TRABD2B: variants seen among roughly 807,000 people sequenced by gnomAD.
TRABD2B encodes the protein TraB domain containing 2B.
TRABD2B carries 14 observed loss-of-function variants against 40.1 expected under a neutral mutation model. That is an observed-to-expected ratio of 0.35 (90% CI 0.23 to 0.55). TRABD2B has a LOEUF of 0.55. TRABD2B is among the 20% of genes least tolerant of loss of function. The pLI, the probability that TRABD2B is intolerant of heterozygous loss-of-function variation, is 0.90. For synonymous variants in TRABD2B, 263 were observed against 277.0 expected (o/e 0.95, Z 0.50); for missense variants, 541 against 648.6 (o/e 0.83, Z 1.80).
intron 4 of TRABD2B, among the ~76,000 whole-genome samples, chr1:47,779,650 C>CG (rs1644494352): frequency 6.6e-6 from 1 of 152,004 alleles, no homozygotes; most frequent in South Asian, 2.1e-4. Flanking sequence ...CCCTCTGCCT[C>CG]GGGGGCCTCA....
chr1:47,773,887 C>A (rs1301336433), intron 6 of TRABD2B, among the ~76,000 whole-genome samples: 1 of 152,180 alleles, frequency 6.6e-6, no homozygotes, highest in Non-Finnish European at 1.5e-5. Context: ...ATAGTGTGTA[C>A]CCCACAGTTT....
At chr1:47,840,069 G>A (rs1645375490) in intron 2 of TRABD2B, among the ~76,000 whole-genome samples, 1 of 152,120 alleles carries the variant, frequency 6.6e-6, no homozygotes, top group Non-Finnish European at 1.5e-5. Flanking sequence ...GCAGCCCAGG[G>A]CCTAATGAGA....
chr1:47,932,833 G>C (rs1645057042), intron 2 of TRABD2B, among the ~76,000 whole-genome samples: 1 of 152,198 alleles, frequency 6.6e-6, no homozygotes, highest in African/African-American at 2.4e-5. Flanking sequence ...TCACAGGGCT[G>C]TCAGGAGGAT....
chr1:47,909,928 T>C (rs1272855053), intron 2 of TRABD2B, among the ~76,000 whole-genome samples: 1 of 151,724 alleles, frequency 6.6e-6, no homozygotes, highest in African/African-American at 2.4e-5. Flanking sequence ...GGCACAATCA[T>C]GGCTCACTGC....
intron 2 of TRABD2B, among the ~76,000 whole-genome samples, chr1:47,822,177 T>C (rs926289148): frequency 4.2e-5 from 6 of 144,120 alleles, no homozygotes; most frequent in Non-Finnish European, 9.2e-5. Context: ...CAAACACACA[T>C]ACACTCCTCC....
chr1:47,950,684 C>A (rs146672432), intron 2 of TRABD2B, among the ~76,000 whole-genome samples: 93 of 152,314 alleles, frequency 6.1e-4, no homozygotes, highest in African/African-American at 2.1e-3. Context: ...ATGCTGAGCT[C>A]ACCAACAGAG....
At chr1:47,954,257 A>G (rs1273932659) in intron 2 of TRABD2B, among the ~76,000 whole-genome samples, 3 of 152,224 alleles carry the variant, frequency 2.0e-5, no homozygotes, top group African/African-American at 7.2e-5. Context: ...TTCCACTCTG[A>G]CTGCAGTCTC....
intron 2 of TRABD2B, among the ~76,000 whole-genome samples, chr1:47,900,170 G>C (rs913977005): frequency 6.6e-6 from 1 of 152,148 alleles, no homozygotes; most frequent in African/African-American, 2.4e-5. Context: ...GTGTGGGGGA[G>C]GAGGTCAGAA....
At chr1:47,849,298 C>T (rs1408662443) in intron 2 of TRABD2B, among the ~76,000 whole-genome samples, 1 of 152,194 alleles carries the variant, frequency 6.6e-6, no homozygotes, top group Admixed American at 6.5e-5. Context: ...AGACACCAGA[C>T]ATGTGTACAA....
chr1:47,851,140 AG>A (rs1645545082), intron 2 of TRABD2B, among the ~76,000 whole-genome samples: 1 of 152,056 alleles, frequency 6.6e-6, no homozygotes, highest in Non-Finnish European at 1.5e-5. Context: ...GTTCTACCTG[AG>A]AAGGAGGGCA....
At chr1:47,798,437 T>C (rs1644777099) in intron 3 of TRABD2B, among the ~76,000 whole-genome samples, 1 of 152,224 alleles carries the variant, frequency 6.6e-6, no homozygotes, top group Non-Finnish European at 1.5e-5. Flanking sequence ...CACCCTGCTG[T>C]TGCTAGGCAC....
At chr1:47,817,209 C>T (rs919893425) in intron 2 of TRABD2B, among the ~76,000 whole-genome samples, 3 of 152,030 alleles carry the variant, frequency 2.0e-5, no homozygotes, top group African/African-American at 7.2e-5. Context: ...TTTCCATCCC[C>T]CCCAACACCC....
rs2124397910 is a variant in TRABD2B at position 47,763,811 on chromosome 1, A to G, written c.*2091T>C. The G allele has an allele frequency of 6.6e-6, 1 of 152,360 alleles. No homozygotes were observed. Among genetic ancestry groups the G allele is most frequent in the South Asian group, 2.1e-4 (1 of 4,826 alleles). The allele number at this position is 152,360 out of a possible 1,614,324, so 9.4% of individuals were successfully genotyped here. A position where few individuals can be genotyped will look rare whatever the true frequency, so the allele number is the denominator to read the frequency against. On this transcript the variant is annotated 3_prime_UTR_variant, in exon 7 of 7. Coordinates refer to ENST00000606738, the MANE Select transcript of TRABD2B (RefSeq NM_001194986.2). ...TCTCATCCAAATAGTGCACTGCACG[A>G]TCCGTTTGATGTCCAACTTCTGAGC...
chr1:47,802,697 T>C (rs2124289738), intron 2 of TRABD2B, among the ~76,000 whole-genome samples: 1 of 152,232 alleles, frequency 6.6e-6, no homozygotes, highest in East Asian at 1.9e-4. Context: ...CCCAGCCTTG[T>C]CACCCACCTC....
chr1:47,862,229 T>C (rs1050619604), intron 2 of TRABD2B, among the ~76,000 whole-genome samples: 11 of 152,212 alleles, frequency 7.2e-5, no homozygotes, highest in African/African-American at 2.4e-4. Context: ...AACACCGTAC[T>C]GGAAGTCCTA....
At chr1:47,828,535 C>T (rs1021915651) in intron 2 of TRABD2B, among the ~76,000 whole-genome samples, 2 of 152,202 alleles carry the variant, frequency 1.3e-5, no homozygotes, top group African/African-American at 4.8e-5. Flanking sequence ...GTTTGTAGAA[C>T]AAATAATAAA....
intron 2 of TRABD2B, among the ~76,000 whole-genome samples, chr1:47,990,837 A>G (rs1176234920): frequency 1.0e-5 from 1 of 95,944 alleles, no homozygotes; most frequent in African/African-American, 4.1e-5. Flanking sequence ...ATATATATAA[A>G]ACGTTGGTTT....
chr1:47,911,913 C>A (rs915015634), intron 2 of TRABD2B, among the ~76,000 whole-genome samples: 2 of 152,260 alleles, frequency 1.3e-5, no homozygotes, highest in African/African-American at 4.8e-5. Flanking sequence ...CCCTGCCACA[C>A]TGGGTGCCCC....
intron 6 of TRABD2B, among the ~76,000 whole-genome samples, chr1:47,774,536 G>A (rs759934453): frequency 6.6e-6 from 1 of 152,232 alleles, no homozygotes; most frequent in African/African-American, 2.4e-5. Context: ...TTTGGTGACA[G>A]ACAAGCTGAG....
Sources: allele counts gnomAD v4.1 joint callset (sites outside exome capture counted in the v4.1 genomes callset), GRCh38; gene constraint gnomAD v4.1.1; transcripts MANE v1.5; gene names NCBI Gene and HGNC (gene_info 2026-07-23, HGNC 2026-07-21).